ZNF536: variants seen among roughly 807,000 people sequenced by gnomAD.
The protein encoded by ZNF536 is zinc finger protein 536.
Under a neutral mutation model 84.5 loss-of-function variants are expected in ZNF536, and 13 were observed. The ratio of observed to expected loss-of-function variants is 0.15; its 90% CI spans 0.10 to 0.24. ZNF536 has a LOEUF of 0.24. ZNF536 is among the 10% of genes least tolerant of loss of function. ZNF536 has a pLI of 1.00. For synonymous variants in ZNF536, 811 were observed against 742.5 expected, an observed-to-expected ratio of 1.09 and a Z score of -1.50; for missense variants, 1,536 against 1,747.5, an observed-to-expected ratio of 0.88 and a Z score of 2.16.
At chr19:30,552,122 C>A (rs2045808262) in intron 4 of ZNF536, among the ~76,000 whole-genome samples, 1 of 152,196 alleles carries the variant, frequency 6.6e-6, no homozygotes, top group Non-Finnish European at 1.5e-5. Context: ...CCCCCACTAG[C>A]TTCCCTTTGC....
At chr19:30,633,537 G>T (rs1207796249) in intron 1 of ZNF536, among the ~76,000 whole-genome samples, 1 of 152,102 alleles carries the variant, frequency 6.6e-6, no homozygotes, top group South Asian at 2.1e-4. Context: ...CTATTGAACT[G>T]AGGCTTCAAC....
upstream of ZNF536, among the ~76,000 whole-genome samples, chr19:30,371,649 G>A (rs2048616312): frequency 6.7e-6 from 1 of 149,006 alleles, no homozygotes; most frequent in South Asian, 2.1e-4. Flanking sequence ...CCTCCCTGCT[G>A]TATTTTTGCA....
At chr19:30,379,658 C>T (rs1270595844) in intron 1 of ZNF536, among the ~76,000 whole-genome samples, 10 of 150,456 alleles carry the variant, frequency 6.6e-5, no homozygotes, top group Non-Finnish European at 1.2e-4. Context: ...AGTGGGTATG[C>T]GGTGGGAGGT....
intron 2 of ZNF536, among the ~76,000 whole-genome samples, chr19:30,511,744 A>G (rs534767463): frequency 6.6e-6 from 1 of 152,342 alleles, no homozygotes; most frequent in South Asian, 2.1e-4. Flanking sequence ...ATTATTATTT[A>G]AGTCGGATGC....
chr19:30,631,670 G>A (rs2048894667), intron 1 of ZNF536, among the ~76,000 whole-genome samples: 1 of 152,162 alleles, frequency 6.6e-6, no homozygotes, highest in Non-Finnish European at 1.5e-5. Context: ...GGCTCTTCAA[G>A]GGGTGATTCC....
intron 1 of ZNF536, among the ~76,000 whole-genome samples, chr19:30,424,098 A>G (rs1166502664): frequency 6.6e-6 from 1 of 152,120 alleles, no homozygotes; most frequent in Non-Finnish European, 1.5e-5. Flanking sequence ...TGGCCAGGGG[A>G]CACTTTGTTT....
intron 1 of ZNF536, among the ~76,000 whole-genome samples, chr19:30,569,625 C>CA (rs1279080730): frequency 2.4e-5 from 3 of 124,558 alleles, no homozygotes; most frequent in African/African-American, 9.6e-5. Context: ...GTCTGGAGTG[C>CA]AGTGGCATGA....
intron 1 of ZNF536, among the ~76,000 whole-genome samples, chr19:30,390,168 G>T (rs2049520357): frequency 6.6e-6 from 1 of 152,268 alleles, no homozygotes; most frequent in Middle Eastern, 3.4e-3. Context: ...AGCTGCAGGG[G>T]GGTTAAGGTT....
At chr19:30,530,928 T>C (rs568850831) in intron 2 of ZNF536, among the ~76,000 whole-genome samples, 94 of 152,166 alleles carry the variant, frequency 6.2e-4, no homozygotes, top group South Asian at 1.2e-3. Flanking sequence ...CCAGCACCCA[T>C]CCTGGCACAG....
chr19:30,326,755 AT>A (rs965306767), intron 2 of ZNF536, among the ~76,000 whole-genome samples: 11 of 42,112 alleles, frequency 2.6e-4, no homozygotes, highest in African/African-American at 7.8e-4. Flanking sequence ...ACACGCGATG[AT>A]TTTTTTTTAA....
At chr19:30,450,449 C>T (rs1478593997) in intron 2 of ZNF536, among the ~76,000 whole-genome samples, 2 of 152,178 alleles carry the variant, frequency 1.3e-5, no homozygotes, top group Non-Finnish European at 2.9e-5. Flanking sequence ...TGTTCCAGTC[C>T]AACCACCTTC....
chr19:30,457,703 G>A (rs1447087111), intron 2 of ZNF536, among the ~76,000 whole-genome samples: 1 of 152,210 alleles, frequency 6.6e-6, no homozygotes, highest in Non-Finnish European at 1.5e-5. Context: ...GGTGGTCAGG[G>A]GTGTGAGGCT....
chr19:30,518,879 T>TG, intron 2 of ZNF536, among the ~76,000 whole-genome samples: 1 of 151,490 alleles, frequency 6.6e-6, no homozygotes, highest in Non-Finnish European at 1.5e-5. Context: ...GGTGCAGGGA[T>TG]GGGGGAGCTA....
At chr19:30,366,277 C>G (rs749797329) in intron 3 of ZNF536, among the ~76,000 whole-genome samples, 23 of 152,186 alleles carry the variant, frequency 1.5e-4, no homozygotes, top group Non-Finnish European at 2.4e-4. Flanking sequence ...AGAGTGGGCA[C>G]CATGTTCTTC....
intron 1 of ZNF536, among the ~76,000 whole-genome samples, chr19:30,595,482 C>G (rs1337795815): frequency 6.6e-6 from 1 of 152,046 alleles, no homozygotes; most frequent in East Asian, 1.9e-4. Context: ...GATATGGGGT[C>G]TCTCTATGTT....
chr19:30,649,808 A>G (rs2049629619), intron 1 of ZNF536, among the ~76,000 whole-genome samples: 1 of 152,072 alleles, frequency 6.6e-6, no homozygotes, highest in African/African-American at 2.4e-5. Flanking sequence ...CACCTCTCCA[A>G]TTACACATAT....
intron 1 of ZNF536, among the ~76,000 whole-genome samples, chr19:30,637,174 T>A (rs1362047182): frequency 6.6e-6 from 1 of 152,246 alleles, no homozygotes; most frequent in African/African-American, 2.4e-5. Flanking sequence ...GACCCACATC[T>A]GGACCTTGGG....
chr19:30,280,325 C>A (rs1277101972), intron 1 of ZNF536, among the ~76,000 whole-genome samples: 1 of 152,004 alleles, frequency 6.6e-6, no homozygotes, highest in Non-Finnish European at 1.5e-5. Context: ...TCCTCCCTCT[C>A]TACTCTATCT....
chr19:30,586,610 C>A (rs2047105359), intron 1 of ZNF536, among the ~76,000 whole-genome samples: 1 of 152,156 alleles, frequency 6.6e-6, no homozygotes, highest in Admixed American at 6.5e-5. Flanking sequence ...GCTCTCCTGG[C>A]CAGCCAACTT....
Sources: gnomAD v4.1 joint callset for allele counts (sites outside exome capture counted in the v4.1 genomes callset) on GRCh38, gnomAD v4.1.1 for gene constraint, MANE v1.5 for transcripts, NCBI Gene and HGNC (gene_info 2026-07-23, HGNC 2026-07-21) for gene names.